Variants in STPG2 observed in about 807,000 individuals in gnomAD.
STPG2 encodes the protein sperm-tail PG-rich repeat-containing protein 2.
In STPG2, 56 loss-of-function variants were observed where a neutral mutation model predicts 54.2. The observed-to-expected ratio is 1.03, with a 90% CI of 0.83 to 1.29. STPG2 has a LOEUF of 1.29. Ranked by LOEUF, STPG2 falls within the 50% of genes most tolerant of loss-of-function variation. The pLI, the probability that STPG2 is intolerant of heterozygous loss-of-function variation, is 0.00. For missense variants in STPG2, 596 were observed against 544.9 expected, an observed-to-expected ratio of 1.09 and a Z score of -0.93; for synonymous variants, 200 against 181.8, an observed-to-expected ratio of 1.10 and a Z score of -0.81.
intron 10 of STPG2, among the ~76,000 whole-genome samples, chr4:97,711,126 C>A (rs1724103849): frequency 6.6e-6 from 1 of 151,908 alleles, no homozygotes; most frequent in Admixed American, 6.6e-5. Flanking sequence ...CAAAATGAAA[C>A]AGGATACCAT....
Position 97,712,705 on chromosome 4 carries a change from T to A in STPG2, c.1314A>T (p.Thr438=). The A allele has an allele frequency of 1.3e-6, 2 of 1,573,668 alleles. No homozygotes were observed. Among genetic ancestry groups the A allele is most frequent in the Non-Finnish European group, 1.7e-6 (2 of 1,159,258 alleles). The change falls in exon 10 of 11, where the codon ACA becomes ACT. Residue 438 remains threonine, a synonymous_variant. Transcript: ENST00000295268. ...ESKEITPGPA[T]YEISQEKKKG... ...GAAGGAAATATTGACAAACCTCATA[T>A]GTTGCTGGGCCTGGAGTAATCTCTT...
At chr4:98,074,404 G>A (rs889976159) in intron 5 of STPG2, among the ~76,000 whole-genome samples, 5 of 152,044 alleles carry the variant, frequency 3.3e-5, no homozygotes, top group Admixed American at 2.0e-4. Context: ...TGCCTTCATG[G>A]GGTTTATTTT....
intron 8 of STPG2, among the ~76,000 whole-genome samples, chr4:97,897,163 G>T (rs1334360403): frequency 1.3e-5 from 2 of 151,832 alleles, no homozygotes; most frequent in Non-Finnish European, 2.9e-5. Flanking sequence ...GCAGTATTTG[G>T]TTTTCTGTTC....
intron 8 of STPG2, among the ~76,000 whole-genome samples, chr4:97,924,873 C>G (rs907481449): frequency 6.6e-6 from 1 of 152,142 alleles, no homozygotes; most frequent in African/African-American, 2.4e-5. Context: ...TCTTTTCACT[C>G]CCACATTTTC....
intron 10 of STPG2, among the ~76,000 whole-genome samples, chr4:97,610,319 T>G (rs1733700090): frequency 6.6e-6 from 1 of 152,078 alleles, no homozygotes; most frequent in South Asian, 2.1e-4. Flanking sequence ...CTCAGAGACA[T>G]GGAACTATCA....
chr4:97,877,067 A>T (rs1224636480), intron 8 of STPG2, among the ~76,000 whole-genome samples: 1 of 152,186 alleles, frequency 6.6e-6, no homozygotes, highest in Non-Finnish European at 1.5e-5. Flanking sequence ...CAAATCCATC[A>T]CCTTAACAAT....
chr4:97,640,479 A>T (rs1270696699), intron 10 of STPG2, among the ~76,000 whole-genome samples: 1 of 151,972 alleles, frequency 6.6e-6, no homozygotes, highest in African/African-American at 2.4e-5. Context: ...AAATGAGTCA[A>T]TAATTTTTAA....
chr4:97,746,675 G>A (rs1332946876), intron 9 of STPG2, among the ~76,000 whole-genome samples: 8 of 151,074 alleles, frequency 5.3e-5, no homozygotes, highest in Admixed American at 5.3e-4. Flanking sequence ...TAAAAGAAAG[G>A]AGGGGTTTAA....
At chr4:97,445,491 T>C (rs1319548853) in intron 4 of STPG2, among the ~76,000 whole-genome samples, 1 of 152,234 alleles carries the variant, frequency 6.6e-6, no homozygotes, top group Admixed American at 6.5e-5. Context: ...TTTTATTTTA[T>C]CCAGTAAACC....
At chr4:97,782,303 T>C (rs534838281) in intron 9 of STPG2, among the ~76,000 whole-genome samples, 2 of 151,850 alleles carry the variant, frequency 1.3e-5, no homozygotes, top group African/African-American at 4.8e-5. Flanking sequence ...CAGAGAGCCA[T>C]ATCATGAGTG....
chr4:97,744,608 G>A (rs1725368175), intron 9 of STPG2, among the ~76,000 whole-genome samples: 1 of 151,272 alleles, frequency 6.6e-6, no homozygotes, highest in Non-Finnish European at 1.5e-5. Flanking sequence ...AACTGTGGAT[G>A]CTACAGAACC....
chr4:97,607,432 C>A (rs1042560848), intron 10 of STPG2, among the ~76,000 whole-genome samples: 1 of 151,950 alleles, frequency 6.6e-6, no homozygotes, highest in African/African-American at 2.4e-5. Context: ...GATTCACCAC[C>A]CAAATCAAAG....
At chr4:97,639,787 T>C (rs1425870513) in intron 10 of STPG2, among the ~76,000 whole-genome samples, 1 of 151,974 alleles carries the variant, frequency 6.6e-6, no homozygotes, top group Non-Finnish European at 1.5e-5. Flanking sequence ...CCCTATCAAT[T>C]ATTGGTTCCC....
intron 9 of STPG2, among the ~76,000 whole-genome samples, chr4:97,798,559 A>C (rs935912006): frequency 6.6e-6 from 1 of 150,602 alleles, no homozygotes; most frequent in Admixed American, 6.6e-5. Flanking sequence ...AGTTTGTTAT[A>C]ATTTCTGTTC....
chr4:97,970,837 G>T (rs188480551), intron 7 of STPG2, among the ~76,000 whole-genome samples: 167 of 152,324 alleles, frequency 1.1e-3, no homozygotes, highest in African/African-American at 3.8e-3. Flanking sequence ...AAGAGCTTCT[G>T]CATGGCAAAA....
intron 4 of STPG2, among the ~76,000 whole-genome samples, chr4:97,492,557 A>T (rs1194728162): frequency 6.6e-6 from 1 of 151,558 alleles, no homozygotes; most frequent in Non-Finnish European, 1.5e-5. Flanking sequence ...TATAGAAAAT[A>T]GTTAGATTCC....
chr4:98,080,066 A>AT (rs1332749218), intron 5 of STPG2, among the ~76,000 whole-genome samples: 1 of 152,150 alleles, frequency 6.6e-6, no homozygotes, highest in African/African-American at 2.4e-5. Context: ...AGAAAATCTA[A>AT]TGTTAAAATA....
intron 9 of STPG2, among the ~76,000 whole-genome samples, chr4:97,716,794 CGTGGTGCCTATGGCCACGTGCCATG>C (rs1232880821): frequency 5.3e-5 from 8 of 151,544 alleles, no homozygotes; most frequent in East Asian, 3.9e-4. Context: ...CACCATGGCA[CGTGGTGCCTATGGCCACGTGCCATG>C]GTGGTGCCTA....
In STPG2 at chr4:97,587,710, C is replaced by G. The variant is rs62315852; in HGVS notation, c.1321-28593G>C. 3.4e-3 allele frequency among the ~76,000 whole-genome samples: 521 copies of G among 152,016 alleles called. 1 individual carries two copies. The highest frequency in any genetic ancestry group is 4.8e-3 in the Non-Finnish European group (325 of 67,920). On this transcript the variant is annotated intron_variant, in intron 10 of 10. Transcript: ENST00000295268. The stretch of plus-strand genomic sequence containing the variant: ...TCTTAAATTTCTGTTTCATATTTCT[C>G]ACATCCAGTTCAAGGCCCCACCCCT...
Sources: gnomAD v4.1 joint callset for allele counts (sites outside exome capture counted in the v4.1 genomes callset) on GRCh38, gnomAD v4.1.1 for gene constraint, MANE v1.5 for transcripts, NCBI Gene and HGNC (gene_info 2026-07-23, HGNC 2026-07-21) for gene names.